TIMM9: variants seen among roughly 807,000 people sequenced by gnomAD.
TIMM9 encodes the protein translocase of inner mitochondrial membrane 9.
Under a neutral mutation model 13.4 loss-of-function variants are expected in TIMM9, and 10 were observed. The ratio of observed to expected loss-of-function variants is 0.75; its 90% CI spans 0.46 to 1.26. The LOEUF (loss-of-function observed/expected upper bound fraction) is 1.26, where lower values mean the gene tolerates loss of function less well. TIMM9 is among the 50% of genes most tolerant of loss of function. TIMM9 has a pLI of 0.00. For synonymous variants in TIMM9, 32 were observed against 32.1 expected (o/e 1.00, Z 0.01); for missense variants, 87 against 100.8 (o/e 0.86, Z 0.58).
intron 3 of TIMM9, among the ~76,000 whole-genome samples, chr14:58,421,058 A>G (rs564558542): frequency 1.3e-5 from 2 of 152,290 alleles, no homozygotes; most frequent in South Asian, 2.1e-4. Flanking sequence ...AGGAAATCCT[A>G]TATGTGAATG....
At chr14:58,422,700 CAA>C (rs578021298) in intron 3 of TIMM9, among the ~76,000 whole-genome samples, 51 of 152,170 alleles carry the variant, frequency 3.4e-4, no homozygotes, top group Non-Finnish European at 5.9e-5. Flanking sequence ...ATTTGAAAAA[CAA>C]AAGATAGTTC....
At chr14:58,411,643 AT>A (rs1443568201) in intron 4 of TIMM9, among the ~76,000 whole-genome samples, 2 of 151,766 alleles carry the variant, frequency 1.3e-5, no homozygotes, top group African/African-American at 4.8e-5. Flanking sequence ...GGGTCAAGCA[AT>A]TCCTGTGCCT....
rs1198865569 is a variant in TIMM9, at chr14:58,427,392, C to T, written c.-304G>A. 26 of 504,066 alleles carry T rather than the reference C, an allele frequency of 5.2e-5. No homozygotes were observed. Among genetic ancestry groups the T allele is most frequent in the Non-Finnish European group, 8.5e-5 (24 of 281,852 alleles). 31.2% of individuals were successfully genotyped at this position (504,066 alleles called of 1,614,324 possible). On this transcript the variant is annotated splice_region_variant and 5_prime_UTR_variant, in exon 1 of 6. Transcript: ENST00000395159. ...GAAACTTCTTGGAAGCCTAATTTACCTAATCCCACGTCCCTAACGGTCTTC... is the reference window on the plus strand; with the variant it reads ...GAAACTTCTTGGAAGCCTAATTTACTTAATCCCACGTCCCTAACGGTCTTC...
Position 58,408,634 on chromosome 14 carries a change from G to C in TIMM9, c.*400C>G, listed in dbSNP as rs372764103. 9.8e-6 allele frequency: 15 copies of C among 1,526,610 alleles called. No homozygotes were observed. In the East Asian group the frequency reaches 1.8e-4, roughly 19 times the overall value. The allele number at this position is 1,526,610 out of a possible 1,614,324, so 94.6% of individuals were successfully genotyped here. A position where few individuals can be genotyped will look rare whatever the true frequency, so the allele number is the denominator to read the frequency against. On this transcript the variant is annotated 3_prime_UTR_variant, in exon 6 of 6. Transcript: ENST00000395159. ...AGTGAGAATACTATGGTACCATACA[G>C]TATAAACAACTGCTCAGTGATATTT...
In TIMM9 at chr14:58,427,216, C is replaced by T. The variant is rs2140362208; in HGVS notation, c.-277G>A. ...GTCAAGTGACACTTAAACCCTTAGA[C>T]GCCGATTCGTTATAACGCGAGGAAA... On this transcript the variant is annotated 5_prime_UTR_variant, in exon 2 of 6. Coordinates refer to ENST00000395159, the MANE Select transcript of TIMM9 (RefSeq NM_012460.4). 2 of 208,924 alleles carry T rather than the reference C, an allele frequency of 9.6e-6. No homozygotes were observed. The highest frequency in any genetic ancestry group is 1.2e-4 in the South Asian group (2 of 17,062). 12.9% of individuals were successfully genotyped at this position (208,924 alleles called of 1,614,324 possible). A position where few individuals can be genotyped will look rare whatever the true frequency, so the allele number is the denominator to read the frequency against.
chr14:58,414,717 G>T (rs540308731), intron 3 of TIMM9, among the ~76,000 whole-genome samples: 1 of 119,922 alleles, frequency 8.3e-6, no homozygotes, highest in African/African-American at 3.2e-5. Flanking sequence ...AGCCTGCACC[G>T]CATAGTGAGA....
Position 58,408,633 on chromosome 14 carries a change from A to G in TIMM9, c.*401T>C, listed in dbSNP as rs2036109671. ...CAGTGAGAATACTATGGTACCATAC[A>G]GTATAAACAACTGCTCAGTGATATT... On this transcript the variant is annotated 3_prime_UTR_variant, in exon 6 of 6. Coordinates refer to ENST00000395159, the MANE Select transcript of TIMM9 (RefSeq NM_012460.4). 1 of 1,526,768 alleles carries G rather than the reference A, an allele frequency of 6.5e-7. No individual in the cohort carries two copies. Among genetic ancestry groups the G allele is most frequent in the Non-Finnish European group, 8.9e-7 (1 of 1,121,002 alleles). 94.6% of individuals were successfully genotyped at this position (1,526,768 alleles called of 1,614,324 possible).
At position 58,410,870 on chromosome 14, in the gene TIMM9, G is replaced by A. The variant is rs760974022; in HGVS notation, c.108C>T (p.Phe36=). 3 of 1,610,034 alleles carry A rather than the reference G, an allele frequency of 1.9e-6. No individual in the cohort carries two copies. The highest frequency in any genetic ancestry group is 1.3e-5 in the African/African-American group (1 of 74,730). ...CTTCAGGTTTTACTTCTCTTGTTGT[G>A]AAGTCTTTAACACAGTCCAAAAAGC... ...ETCFLDCVKD[F]TTREVKPEET... is the part of the protein sequence containing the mutation. Residue 36 remains phenylalanine (F), a synonymous_variant, in exon 5 of 6, where the codon TTC becomes TTT. Transcript: ENST00000395159.
At chr14:58,422,585 T>C (rs1017740805) in intron 3 of TIMM9, among the ~76,000 whole-genome samples, 1 of 150,840 alleles carries the variant, frequency 6.6e-6, no homozygotes, top group Non-Finnish European at 1.5e-5. Context: ...GTATGAATCT[T>C]CTTTATTCAT....
At chr14:58,426,777 C>T (rs2036842931) in intron 2 of TIMM9, among the ~76,000 whole-genome samples, 1 of 152,140 alleles carries the variant, frequency 6.6e-6, no homozygotes, top group South Asian at 2.1e-4. Context: ...ATCGTAAATA[C>T]CTTATAGTCT....
chr14:58,414,747 A>AG (rs940954228), intron 3 of TIMM9, among the ~76,000 whole-genome samples: 1 of 151,314 alleles, frequency 6.6e-6, no homozygotes, highest in Non-Finnish European at 1.5e-5. Context: ...AAAAAAAAAA[A>AG]AAAAGAAAAA....
At chr14:58,415,722 A>C (rs1193575374) in intron 3 of TIMM9, among the ~76,000 whole-genome samples, 1 of 152,202 alleles carries the variant, frequency 6.6e-6, no homozygotes, top group East Asian at 1.9e-4. Context: ...AGTATAAAAA[A>C]GTGAATATTT....
chr14:58,426,049 G>A (rs1276022057), intron 2 of TIMM9, among the ~76,000 whole-genome samples: 2 of 151,470 alleles, frequency 1.3e-5, no homozygotes, highest in Admixed American at 6.6e-5. Context: ...CCTGGGAGGC[G>A]GAGGTTGCAG....
At chr14:58,421,191 G>A (rs997715494) in intron 3 of TIMM9, among the ~76,000 whole-genome samples, 15 of 152,170 alleles carry the variant, frequency 9.9e-5, no homozygotes, top group Non-Finnish European at 2.9e-5. Context: ...AAAGGATGAG[G>A]TATTGATACT....
In TIMM9 at chr14:58,425,856, C is replaced by T. The variant is rs376446573; in HGVS notation, c.-115+1198G>A. 3.9e-5 allele frequency among the ~76,000 whole-genome samples: 6 copies of T among 152,234 alleles called. 1 individual carries two copies. The highest frequency in any genetic ancestry group is 1.9e-4 in the East Asian group (1 of 5,160). On this transcript the variant is annotated intron_variant, in intron 2 of 5. Transcript: ENST00000395159. ...AATAATGGCCACGTGCGGTGGCTCACGCTTGTAATACTAGCACTTTGGTAG... is the reference window on the plus strand; with the variant it reads ...AATAATGGCCACGTGCGGTGGCTCATGCTTGTAATACTAGCACTTTGGTAG...
At chr14:58,412,771 T>C (rs994702525) in intron 3 of TIMM9, among the ~76,000 whole-genome samples, 2 of 152,030 alleles carry the variant, frequency 1.3e-5, no homozygotes, top group African/African-American at 4.8e-5. Context: ...CGTGGTGTCA[T>C]GTGCCTGTGG....
chr14:58,414,678 A>T (rs967318547), intron 3 of TIMM9, among the ~76,000 whole-genome samples: 1 of 145,282 alleles, frequency 6.9e-6, no homozygotes. Context: ...CGGAGGTTGC[A>T]GTGAGCCGAG....
chr14:58,410,964 A>G, intron 4 of TIMM9, 26 bp from the exon 5 acceptor site: 1 of 1,545,742 alleles, frequency 6.5e-7, no homozygotes, highest in East Asian at 2.2e-5. Flanking sequence ...AATGTTCTTT[A>G]GTATTTGGTT....
intron 4 of TIMM9, among the ~76,000 whole-genome samples, chr14:58,411,698 C>A (rs936807755): frequency 6.6e-6 from 1 of 151,758 alleles, no homozygotes; most frequent in Admixed American, 6.6e-5. Flanking sequence ...GCCAGCACGC[C>A]CAGCTAATTT....
Sources: gnomAD v4.1 joint callset for allele counts (sites outside exome capture counted in the v4.1 genomes callset) on GRCh38, gnomAD v4.1.1 for gene constraint, MANE v1.5 for transcripts, NCBI Gene and HGNC (gene_info 2026-07-23, HGNC 2026-07-21) for gene names.